Variants in VPS13B observed in about 807,000 individuals in gnomAD.
VPS13B encodes vacuolar protein sorting 13 homolog B.
VPS13B carries 285 observed loss-of-function variants against 426.4 expected under a neutral mutation model. The ratio of observed to expected loss-of-function variants is 0.67; its 90% CI spans 0.61 to 0.74. The LOEUF is 0.74. Among genes scored for constraint, VPS13B ranks in the 30% least tolerant of loss-of-function variants. VPS13B has a pLI of 0.00. For missense variants in VPS13B, 4,537 were observed against 4,782.6 expected, an observed-to-expected ratio of 0.95 and a Z score of 1.51; for synonymous variants, 1,676 against 1,676.4, an observed-to-expected ratio of 1.00 and a Z score of 0.01.
chr8:99,592,195 T>C (rs1210776929), intron 33 of VPS13B, among the ~76,000 whole-genome samples: 1 of 152,076 alleles, frequency 6.6e-6, no homozygotes, highest in Non-Finnish European at 1.5e-5. Flanking sequence ...CTACACTGTT[T>C]ATTCTAGTTA....
chr8:99,771,786 TG>T (rs1001301219), intron 40 of VPS13B, among the ~76,000 whole-genome samples: 29 of 152,232 alleles, frequency 1.9e-4, no homozygotes, highest in Admixed American at 1.9e-3. Context: ...TCTAGATTTT[TG>T]GGTAATTCAT....
chr8:99,763,125 G>A (rs530630723), intron 39 of VPS13B, among the ~76,000 whole-genome samples: 32 of 96,290 alleles, frequency 3.3e-4, no homozygotes, highest in African/African-American at 1.4e-3. Context: ...AACAGAGTGA[G>A]ACCTTGTCTC....
chr8:99,667,538 A>G (rs1355792133), intron 35 of VPS13B, among the ~76,000 whole-genome samples: 1 of 152,152 alleles, frequency 6.6e-6, no homozygotes, highest in Non-Finnish European at 1.5e-5. Flanking sequence ...TTTAAATGAT[A>G]TATCAGCTGT....
At chr8:99,260,702 C>G (rs1384668440) in intron 17 of VPS13B, among the ~76,000 whole-genome samples, 1 of 151,854 alleles carries the variant, frequency 6.6e-6, no homozygotes. Flanking sequence ...GTGATCCTCC[C>G]CTTTCTAGCC....
chr8:99,726,257 G>C (rs976347819), intron 39 of VPS13B, among the ~76,000 whole-genome samples: 11 of 152,172 alleles, frequency 7.2e-5, no homozygotes, highest in Non-Finnish European at 1.3e-4. Flanking sequence ...ATTTTATCAT[G>C]TGAACTTTTA....
At chr8:99,628,341 G>T (rs1828700098) in intron 33 of VPS13B, among the ~76,000 whole-genome samples, 1 of 152,048 alleles carries the variant, frequency 6.6e-6, no homozygotes, top group Non-Finnish European at 1.5e-5. Context: ...GTACATTCAT[G>T]TATTGATGAA....
intron 23 of VPS13B, among the ~76,000 whole-genome samples, chr8:99,445,993 A>G (rs910735095): frequency 3.9e-5 from 6 of 152,212 alleles, no homozygotes; most frequent in African/African-American, 1.4e-4. Context: ...GCCATAGACA[A>G]TATGTCAATA....
intron 33 of VPS13B, among the ~76,000 whole-genome samples, chr8:99,616,925 A>T (rs1211736518): frequency 6.6e-6 from 1 of 152,254 alleles, no homozygotes; most frequent in African/African-American, 2.4e-5. Context: ...CTGAAGTGAC[A>T]ATAATATATT....
In VPS13B at chr8:99,818,443, A is replaced by G. The variant is rs767065362; in HGVS notation, c.8362-8A>G. ...ATTCAATAGGACCCTTTGCTATTTC[A>G]TGTGCAGGTGCCATCTTCAAACAGT... On this transcript the variant is annotated splice_region_variant and splice_polypyrimidine_tract_variant and intron_variant, in intron 45 of 61. Coordinates refer to ENST00000357162, the MANE Select transcript of VPS13B (RefSeq NM_152564.5). The G allele has an allele frequency of 1.2e-6, 2 of 1,613,708 alleles. No homozygotes were observed. Among genetic ancestry groups the G allele is most frequent in the Non-Finnish European group, 1.7e-6 (2 of 1,179,768 alleles).
At chr8:99,577,277 G>GCC (rs1825821508) in intron 32 of VPS13B, among the ~76,000 whole-genome samples, 1 of 152,096 alleles carries the variant, frequency 6.6e-6, no homozygotes, top group Non-Finnish European at 1.5e-5. Context: ...CTAGCACAAG[G>GCC]CCCAACACAC....
chr8:99,534,138 A>G (rs138275673), intron 30 of VPS13B, among the ~76,000 whole-genome samples: 1 of 152,258 alleles, frequency 6.6e-6, no homozygotes, highest in East Asian at 1.9e-4. Context: ...GTTTGAAAAT[A>G]TTATCGGCAG....
At chr8:99,581,279 T>G (rs893764923) in intron 33 of VPS13B, among the ~76,000 whole-genome samples, 4 of 152,096 alleles carry the variant, frequency 2.6e-5, no homozygotes, top group African/African-American at 9.7e-5. Context: ...TCTTTGAAAC[T>G]AGAAGTGAAA....
chr8:99,137,003 T>C (rs950625192), intron 12 of VPS13B, among the ~76,000 whole-genome samples: 3 of 152,212 alleles, frequency 2.0e-5, no homozygotes, highest in African/African-American at 7.2e-5. Flanking sequence ...GTGTACCATA[T>C]ATTATGATTC....
At chr8:99,284,992 T>C (rs1253016075) in intron 19 of VPS13B, among the ~76,000 whole-genome samples, 1 of 152,232 alleles carries the variant, frequency 6.6e-6, no homozygotes, top group Non-Finnish European at 1.5e-5. Flanking sequence ...GTATTAATTA[T>C]TCTTTTCACA....
chr8:99,113,624 G>A (rs1314823270), intron 6 of VPS13B, among the ~76,000 whole-genome samples: 1 of 152,130 alleles, frequency 6.6e-6, no homozygotes, highest in Non-Finnish European at 1.5e-5. Context: ...GAGTGCAATG[G>A]CATGATCTCG....
chr8:99,105,547 T>A (rs1179836723), intron 5 of VPS13B, among the ~76,000 whole-genome samples: 1 of 152,058 alleles, frequency 6.6e-6, no homozygotes, highest in Non-Finnish European at 1.5e-5. Context: ...CCTGGCTAAT[T>A]TTTATATTTT....
chr8:99,471,720 A>ATT (rs1321606232), intron 24 of VPS13B, among the ~76,000 whole-genome samples: 3 of 152,280 alleles, frequency 2.0e-5, no homozygotes, highest in African/African-American at 7.2e-5. Flanking sequence ...CTGCAAACTA[A>ATT]TGCCCATAGG....
chr8:99,089,606 AT>A (rs1846034635), intron 3 of VPS13B, among the ~76,000 whole-genome samples: 1 of 152,130 alleles, frequency 6.6e-6, no homozygotes, highest in Non-Finnish European at 1.5e-5. Flanking sequence ...AAGACCTGGA[AT>A]CCATAGAAGG....
intron 19 of VPS13B, among the ~76,000 whole-genome samples, chr8:99,286,303 G>T (rs188646498): frequency 1.7e-4 from 26 of 152,218 alleles, no homozygotes; most frequent in Non-Finnish European, 1.6e-4. Flanking sequence ...AATGTAGTCT[G>T]GCTTCGGTCT....
Sources: allele counts gnomAD v4.1 joint callset (sites outside exome capture counted in the v4.1 genomes callset), GRCh38; gene constraint gnomAD v4.1.1; transcripts MANE v1.5; gene names NCBI Gene and HGNC (gene_info 2026-07-23, HGNC 2026-07-21).